GUCY1A2: variants seen among roughly 807,000 people sequenced by gnomAD.
GUCY1A2 encodes guanylate cyclase 1 soluble subunit alpha 2, also known as guanylate cyclase soluble subunit alpha-2.
A neutral mutation model predicts 63.5 loss-of-function variants in GUCY1A2; 27 were observed. The ratio of observed to expected loss-of-function variants is 0.43; its 90% CI spans 0.31 to 0.59. GUCY1A2 has a LOEUF of 0.59. GUCY1A2 is among the 20% of genes least tolerant of loss of function. The pLI is 0.11. For synonymous variants in GUCY1A2, 364 were observed against 343.5 expected, an observed-to-expected ratio of 1.06 and a Z score of -0.66; for missense variants, 768 against 913.3, an observed-to-expected ratio of 0.84 and a Z score of 2.05.
chr11:106,991,120 G>A (rs1252663858), intron 1 of GUCY1A2, among the ~76,000 whole-genome samples: 2 of 151,878 alleles, frequency 1.3e-5, no homozygotes, highest in Non-Finnish European at 2.9e-5. Flanking sequence ...CTACTGAGGA[G>A]CTGGGATTAC....
chr11:106,742,224 C>T (rs1863706530), intron 6 of GUCY1A2, among the ~76,000 whole-genome samples: 1 of 151,778 alleles, frequency 6.6e-6, no homozygotes, highest in Admixed American at 6.6e-5. Flanking sequence ...GCAGGATGTG[C>T]AGGTTTGTTA....
chr11:106,888,934 T>C (rs758077668), intron 4 of GUCY1A2, among the ~76,000 whole-genome samples: 4 of 151,920 alleles, frequency 2.6e-5, no homozygotes, highest in African/African-American at 7.3e-5. Flanking sequence ...ATTCAAGACA[T>C]AGCAAGAAAA....
chr11:106,930,182 G>C (rs1182245612), intron 4 of GUCY1A2, among the ~76,000 whole-genome samples: 1 of 152,196 alleles, frequency 6.6e-6, no homozygotes, highest in Non-Finnish European at 1.5e-5. Context: ...GAATGTGGTA[G>C]TTATTTTAAA....
intron 6 of GUCY1A2, among the ~76,000 whole-genome samples, chr11:106,759,554 A>C (rs1159188016): frequency 6.6e-6 from 1 of 152,238 alleles, no homozygotes; most frequent in Non-Finnish European, 1.5e-5. Context: ...AATTGCTGAT[A>C]TAATTAGTCA....
chr11:107,012,363 AT>A (rs1311624956), intron 1 of GUCY1A2, among the ~76,000 whole-genome samples: 3 of 152,126 alleles, frequency 2.0e-5, no homozygotes, highest in African/African-American at 7.2e-5. Context: ...AAAATGAAAA[AT>A]TTAGATCACT....
At chr11:107,017,487 G>A (rs1321881197) in intron 1 of GUCY1A2, among the ~76,000 whole-genome samples, 2 of 152,192 alleles carry the variant, frequency 1.3e-5, no homozygotes, top group Non-Finnish European at 1.5e-5. Flanking sequence ...AGGGTTCAAG[G>A]CTAGAGGTGG....
At chr11:106,991,621 TAATTC>T (rs1254595006) in intron 1 of GUCY1A2, among the ~76,000 whole-genome samples, 1 of 152,194 alleles carries the variant, frequency 6.6e-6, no homozygotes, top group African/African-American at 2.4e-5. Context: ...AATAGGCTCT[TAATTC>T]AAGTATCAAG....
At chr11:106,693,177 GA>G (rs1862656093) in intron 7 of GUCY1A2, among the ~76,000 whole-genome samples, 1 of 152,202 alleles carries the variant, frequency 6.6e-6, no homozygotes, top group East Asian at 1.9e-4. Flanking sequence ...GCATCTTGTA[GA>G]GGGGTAGAAA....
rs1414353044 is a variant in GUCY1A2, at chr11:106,796,574, CTTTT to C, written c.1692+13415_1692+13418del. Among the ~76,000 whole-genome samples, 4 of 152,090 alleles carry C rather than the reference CTTTT, an allele frequency of 2.6e-5. No individual in the cohort carries two copies. In the East Asian group the frequency reaches 5.8e-4, roughly 22 times the overall value. On this transcript the variant is annotated intron_variant, in intron 5 of 7. Transcript: ENST00000526355. The stretch of plus-strand genomic sequence containing the variant: ...GATATGAAATTCTGGGTTGAAAATT[CTTTT>C]CTTTAAGAATGTTGAATATCGGCCC...
chr11:106,910,658 T>C (rs1860281148), intron 4 of GUCY1A2, among the ~76,000 whole-genome samples: 1 of 152,054 alleles, frequency 6.6e-6, no homozygotes, highest in African/African-American at 2.4e-5. Flanking sequence ...ATGGAAATTA[T>C]GCATACTGTT....
chr11:106,955,992 T>C (rs891792655), intron 3 of GUCY1A2, among the ~76,000 whole-genome samples: 1 of 152,092 alleles, frequency 6.6e-6, no homozygotes, highest in South Asian at 2.1e-4. Flanking sequence ...ACTTTGATCA[T>C]TCTTTTTTCT....
At chr11:107,007,961 C>T (rs1410841345) in intron 1 of GUCY1A2, among the ~76,000 whole-genome samples, 1 of 148,432 alleles carries the variant, frequency 6.7e-6, no homozygotes, top group Non-Finnish European at 1.5e-5. Context: ...CCCCAAATAA[C>T]TGTTGTGTCT....
intron 3 of GUCY1A2, among the ~76,000 whole-genome samples, chr11:106,947,671 A>G: frequency 6.6e-6 from 1 of 152,056 alleles, no homozygotes; most frequent in East Asian, 1.9e-4. Context: ...ATAAACAGAA[A>G]TAACCAAAAG....
intron 6 of GUCY1A2, among the ~76,000 whole-genome samples, chr11:106,713,427 C>T (rs1437094225): frequency 6.7e-6 from 1 of 149,792 alleles, no homozygotes; most frequent in African/African-American, 2.5e-5. Flanking sequence ...CAGTATTCCT[C>T]TTAAACAAAC....
chr11:106,795,408 C>G lies in GUCY1A2; in HGVS notation c.1692+14585G>C, dbSNP rs577096710. ...GAAGCACGAAGTTGCCCTTTGATGA[C>G]AGCATAAAAAGCTATCCAATATTAA... On this transcript the variant is annotated intron_variant, in intron 5 of 7. Coordinates refer to ENST00000526355, the MANE Select transcript of GUCY1A2 (RefSeq NM_000855.3). Among the ~76,000 whole-genome samples the G allele has an allele frequency of 3.3e-5, 5 of 152,248 alleles. No homozygotes were observed. In the South Asian group the frequency reaches 1.0e-3, roughly 32 times the overall value.
chr11:106,709,449 ATTC>A (rs1863003620), intron 6 of GUCY1A2, among the ~76,000 whole-genome samples: 1 of 97,662 alleles, frequency 1.0e-5, no homozygotes, highest in African/African-American at 4.3e-5. Flanking sequence ...AATAATATAT[ATTC>A]TATATTTATA....
intron 4 of GUCY1A2, among the ~76,000 whole-genome samples, chr11:106,823,848 T>C (rs1591291213): frequency 6.6e-6 from 1 of 152,328 alleles, no homozygotes; most frequent in South Asian, 2.1e-4. Flanking sequence ...ATGTGTTTGT[T>C]GGCTGCTTCT....
At chr11:106,735,164 T>C (rs1343646053) in intron 6 of GUCY1A2, among the ~76,000 whole-genome samples, 2 of 152,110 alleles carry the variant, frequency 1.3e-5, no homozygotes, top group Non-Finnish European at 2.9e-5. Context: ...ATTCCCTCAG[T>C]TATTCTAAAA....
chr11:106,790,865 A>T (rs1156811199), intron 5 of GUCY1A2, among the ~76,000 whole-genome samples: 1 of 152,192 alleles, frequency 6.6e-6, no homozygotes, highest in Non-Finnish European at 1.5e-5. Flanking sequence ...GATGCAAGAC[A>T]AAGTCCTCTT....
Sources: allele counts gnomAD v4.1 joint callset (sites outside exome capture counted in the v4.1 genomes callset), GRCh38; gene constraint gnomAD v4.1.1; transcripts MANE v1.5; gene names NCBI Gene and HGNC (gene_info 2026-07-23, HGNC 2026-07-21).